Variants in SLC2A9 observed in about 807,000 individuals in gnomAD.
The protein encoded by SLC2A9 is solute carrier family 2, facilitated glucose transporter member 9.
SLC2A9 carries 39 observed loss-of-function variants against 50.6 expected under a neutral mutation model. The ratio of observed to expected loss-of-function variants is 0.77; its 90% CI spans 0.60 to 1.01. The LOEUF (loss-of-function observed/expected upper bound fraction) is 1.01. Ranked by LOEUF, SLC2A9 falls within the 50% of genes least tolerant of loss-of-function variation. The pLI, the probability that SLC2A9 is intolerant of heterozygous loss-of-function variation, is 0.00. For synonymous variants in SLC2A9, 324 were observed against 276.9 expected (o/e 1.17, Z -1.69); for missense variants, 686 against 677.6 (o/e 1.01, Z -0.14).
At chr4:9,988,000 TAGC>T in intron 3 of SLC2A9, among the ~76,000 whole-genome samples, 1 of 152,378 alleles carries the variant, frequency 6.6e-6, no homozygotes, top group East Asian at 1.9e-4. Context: ...CTGGGGGAGA[TAGC>T]AGCCACTGGG....
At chr4:9,877,633 C>T (rs1364323522) in intron 10 of SLC2A9, among the ~76,000 whole-genome samples, 1 of 152,198 alleles carries the variant, frequency 6.6e-6, no homozygotes, top group African/African-American at 2.4e-5. Context: ...TCTGTGGGCT[C>T]CTCCAGCATA....
chr4:9,870,100 C>T (rs1392664373), intron 10 of SLC2A9, among the ~76,000 whole-genome samples: 1 of 152,216 alleles, frequency 6.6e-6, no homozygotes, highest in Non-Finnish European at 1.5e-5. Context: ...TGCCAGAGGC[C>T]AGGAGAGGCG....
intron 6 of SLC2A9, among the ~76,000 whole-genome samples, chr4:9,928,717 G>GAGCA (rs1456179156): frequency 6.6e-6 from 1 of 152,172 alleles, no homozygotes; most frequent in African/African-American, 2.4e-5. Flanking sequence ...CTGGGTGACA[G>GAGCA]AGCAAGACTC....
chr4:10,037,963 A>T (rs1269454602), intron 1 of SLC2A9, among the ~76,000 whole-genome samples: 1 of 152,028 alleles, frequency 6.6e-6, no homozygotes, highest in Admixed American at 6.6e-5. Flanking sequence ...AAATAAATAA[A>T]TAATAAATAA....
At chr4:9,937,279 G>A (rs937395863) in intron 6 of SLC2A9, among the ~76,000 whole-genome samples, 3 of 152,186 alleles carry the variant, frequency 2.0e-5, no homozygotes, top group African/African-American at 7.2e-5. Flanking sequence ...TTGGTAGGGT[G>A]GTTTCCGAGC....
intron 3 of SLC2A9, among the ~76,000 whole-genome samples, chr4:9,816,410 A>G (rs1191501879): frequency 6.6e-6 from 1 of 152,166 alleles, no homozygotes; most frequent in Non-Finnish European, 1.5e-5. Flanking sequence ...ATGATAGTCA[A>G]AGGGTACAAA....
chr4:9,962,365 T>C (rs6449165), intron 5 of SLC2A9, among the ~76,000 whole-genome samples: 73,541 of 152,112 alleles, frequency 0.48, 19,140 homozygotes, highest in African/African-American at 0.67. Flanking sequence ...GGTACATATA[T>C]ACTATGGAAT....
chr4:9,910,159 A>C (rs1188549076), intron 7 of SLC2A9, among the ~76,000 whole-genome samples: 1 of 152,234 alleles, frequency 6.6e-6, no homozygotes, highest in Admixed American at 6.5e-5. Context: ...ACATCCATCT[A>C]TTGGCAAAAA....
chr4:9,842,148 T>C (rs1243530340), intron 10 of SLC2A9, among the ~76,000 whole-genome samples: 1 of 152,220 alleles, frequency 6.6e-6, no homozygotes, highest in Non-Finnish European at 1.5e-5. Context: ...TAACGACTCT[T>C]TTCCTGCTCA....
intron 5 of SLC2A9, among the ~76,000 whole-genome samples, chr4:9,958,585 A>C (rs1751713997): frequency 6.6e-6 from 1 of 152,206 alleles, no homozygotes; most frequent in African/African-American, 2.4e-5. Flanking sequence ...GCACATGTAT[A>C]CCTATGTAAC....
chr4:9,908,510 T>C (rs1201202487), intron 7 of SLC2A9, among the ~76,000 whole-genome samples, 165 bp from the exon 8 acceptor site: 1 of 84,542 alleles, frequency 1.2e-5, no homozygotes, highest in African/African-American at 4.2e-5. Context: ...TCTCCCTTTC[T>C]TCATTACTTT....
intron 10 of SLC2A9, among the ~76,000 whole-genome samples, chr4:9,870,523 C>T (rs1194587386): frequency 6.6e-6 from 1 of 152,222 alleles, no homozygotes; most frequent in East Asian, 1.9e-4. Flanking sequence ...TTTCTCAGAG[C>T]AGCATTTGCT....
intron 7 of SLC2A9, among the ~76,000 whole-genome samples, chr4:9,919,123 T>C (rs1315419564): frequency 6.6e-6 from 1 of 152,118 alleles, no homozygotes; most frequent in East Asian, 1.9e-4. Context: ...AGGTGTTAGC[T>C]TGAAGAAACA....
At chr4:9,993,134 G>A (rs1012382882) in intron 3 of SLC2A9, among the ~76,000 whole-genome samples, 3 of 152,206 alleles carry the variant, frequency 2.0e-5, no homozygotes, top group African/African-American at 7.2e-5. Flanking sequence ...GCTCAAAAAT[G>A]TTTGTTTGGA....
chr4:9,960,308 C>A (rs545899664), intron 5 of SLC2A9, among the ~76,000 whole-genome samples: 1 of 152,328 alleles, frequency 6.6e-6, no homozygotes, highest in South Asian at 2.1e-4. Context: ...AAAATAAGTT[C>A]CCCTTCACCA....
At chr4:9,777,397 T>C (rs1717711950), downstream of SLC2A9, among the ~76,000 whole-genome samples, 1 of 152,064 alleles carries the variant, frequency 6.6e-6, no homozygotes, top group African/African-American at 2.4e-5. Context: ...CTTTATCATC[T>C]TCTGCTAGAA....
intron 3 of SLC2A9, 78 bp from the exon 4 acceptor site, chr4:9,985,871 G>C: frequency 6.2e-7 from 1 of 1,600,606 alleles, no homozygotes; most frequent in Non-Finnish European, 8.5e-7. Flanking sequence ...AGGAGCAGGA[G>C]CCAGGCCCTT....
chr4:9,953,836 T>A lies in SLC2A9; in HGVS notation c.682-11791A>T, dbSNP rs563254355. Reference sequence around the variant, plus strand: ...GTTTGCTTGTTTGTTTGAGATGGAGTTTTGCTTTTGTTGCCCAGGATGGAG... The same window carrying A: ...GTTTGCTTGTTTGTTTGAGATGGAGATTTGCTTTTGTTGCCCAGGATGGAG... On this transcript the variant is annotated intron_variant, in intron 5 of 11. Transcript: ENST00000264784. Among the ~76,000 whole-genome samples the A allele has an allele frequency of 4.6e-5, 7 of 152,260 alleles. No individual in the cohort carries two copies. In the East Asian group the frequency reaches 1.4e-3, roughly 29 times the overall value.
downstream of SLC2A9, among the ~76,000 whole-genome samples, chr4:9,823,588 C>T (rs539048095): frequency 2.0e-5 from 3 of 152,278 alleles, no homozygotes; most frequent in East Asian, 5.8e-4. Flanking sequence ...CACAGCTATT[C>T]CATTCTACTC....
Sources: allele counts gnomAD v4.1 joint callset (sites outside exome capture counted in the v4.1 genomes callset), GRCh38; gene constraint gnomAD v4.1.1; transcripts MANE v1.5; gene names NCBI Gene and HGNC (gene_info 2026-07-23, HGNC 2026-07-21).